The following FAIM2 variants were observed in gnomAD, a reference collection of about 807,000 sequenced individuals.
The protein encoded by FAIM2 is Fas apoptotic inhibitory molecule 2.
In FAIM2, 27 loss-of-function variants were observed where a neutral mutation model predicts 47.4. The ratio of observed to expected loss-of-function variants is 0.57; its 90% confidence interval spans 0.42 to 0.78. The LOEUF is 0.78. Among genes scored for constraint, FAIM2 ranks in the 30% least tolerant of loss-of-function variants. FAIM2 has a pLI of 0.00. For missense variants in FAIM2, 311 were observed against 389.4 expected, an observed-to-expected ratio of 0.80 and a Z score of 1.69; for synonymous variants, 156 against 159.3, an observed-to-expected ratio of 0.98 and a Z score of 0.16.
At chr12:49,883,304 G>A (rs536158333) in intron 11 of FAIM2, among the ~76,000 whole-genome samples, 1 of 152,122 alleles carries the variant, frequency 6.6e-6, no homozygotes, top group Non-Finnish European at 1.5e-5. Flanking sequence ...TGGAGGCGAC[G>A]GGGGCTGGGA....
intron 2 of FAIM2, among the ~76,000 whole-genome samples, 160 bp from the exon 3 acceptor site, chr12:49,898,250 C>A (rs1946954449): frequency 6.6e-6 from 1 of 152,284 alleles, no homozygotes; most frequent in South Asian, 2.1e-4. Flanking sequence ...CCCGGCTCCA[C>A]CCCAATCCCC....
intron 8 of FAIM2, 80 bp from the exon 9 acceptor site, chr12:49,889,648 C>T: frequency 3.4e-6 from 4 of 1,161,494 alleles, no homozygotes; most frequent in Non-Finnish European, 5.1e-6. Context: ...CCCCTCTCTT[C>T]TGCCAGGACC....
At chr12:49,884,286 A>G (rs1418419033) in intron 11 of FAIM2, among the ~76,000 whole-genome samples, 1 of 151,336 alleles carries the variant, frequency 6.6e-6, no homozygotes, top group Non-Finnish European at 1.5e-5. Context: ...AATTGTGAGG[A>G]GAGTAGGGAA....
intron 10 of FAIM2, among the ~76,000 whole-genome samples, chr12:49,888,178 C>T (rs1946874800): frequency 6.6e-6 from 1 of 152,188 alleles, no homozygotes; most frequent in Admixed American, 6.5e-5. Flanking sequence ...CTGTAACACT[C>T]CTCCCCATCC....
intron 11 of FAIM2, among the ~76,000 whole-genome samples, chr12:49,871,601 CA>C: frequency 6.6e-6 from 1 of 152,168 alleles, no homozygotes; most frequent in East Asian, 1.9e-4. Context: ...AAAAGTCCAC[CA>C]GTATCTCAAA....
At chr12:49,884,289 G>A (rs1012818830) in intron 11 of FAIM2, among the ~76,000 whole-genome samples, 1 of 151,876 alleles carries the variant, frequency 6.6e-6, no homozygotes, top group African/African-American at 2.4e-5. Context: ...TGTGAGGAGA[G>A]TAGGGAAGAA....
At chr12:49,894,813 A>G (rs1946924492) in intron 5 of FAIM2, among the ~76,000 whole-genome samples, 1 of 152,242 alleles carries the variant, frequency 6.6e-6, no homozygotes, top group Non-Finnish European at 1.5e-5. Context: ...TGAGGATAAC[A>G]GTAGTGTCTG....
rs756424544 is a variant in FAIM2 at position 49,889,467 on chromosome 12, G to T, written c.651+14C>A. The T allele has an allele frequency of 2.5e-6, 4 of 1,611,950 alleles. No homozygotes were observed. The highest frequency in any genetic ancestry group is 3.4e-6 in the Non-Finnish European group (4 of 1,178,098). The stretch of plus-strand genomic sequence containing the variant: ...TCAGGCCAGGGGTCCCTGCCTGCAG[G>T]CCCCAGAGCTGACCTTGGTCTGGAA... On this transcript the variant is annotated intron_variant, in intron 9 of 11. Coordinates refer to ENST00000320634, the MANE Select transcript of FAIM2 (RefSeq NM_012306.4).
intron 5 of FAIM2, among the ~76,000 whole-genome samples, chr12:49,896,377 G>A (rs1032679186): frequency 2.6e-5 from 4 of 152,168 alleles, no homozygotes; most frequent in African/African-American, 9.7e-5. Context: ...GGACAAGCAG[G>A]AGCCGAGTGG....
chr12:49,878,175 CATGTGTATATGT>C (rs1374056471), intron 11 of FAIM2, among the ~76,000 whole-genome samples: 1 of 54,876 alleles, frequency 1.8e-5, no homozygotes, highest in African/African-American at 1.1e-4. Context: ...TGTGTATGTG[CATGTGTATATGT>C]GTGTGCATAT....
In FAIM2 at chr12:49,874,950, C is replaced by T. The variant is rs1053932592; in HGVS notation, c.802-4297G>A. Among the ~76,000 whole-genome samples the T allele has an allele frequency of 1.3e-5, 2 of 152,098 alleles. No individual in the cohort carries two copies. On this transcript the variant is annotated intron_variant, in intron 11 of 11. Transcript: ENST00000320634. This position sits in a 1 kb window ranked among gnomAD's most constrained non-coding sequence, Gnocchi z 4.2. ...AAAGCAAGTTGTGAAAAATCTATAT[C>T]GTATGATCCCATAAAACTATACACG...
chr12:49,879,440 GTA>G (rs139067953), intron 11 of FAIM2, among the ~76,000 whole-genome samples: 39,055 of 151,102 alleles, frequency 0.26, 5,636 homozygotes, highest in East Asian at 0.41. Flanking sequence ...ATGTGCATGT[GTA>G]TATGTGTGTG....
chr12:49,899,809 T>C (rs1946968907), intron 2 of FAIM2, among the ~76,000 whole-genome samples: 1 of 152,234 alleles, frequency 6.6e-6, no homozygotes, highest in South Asian at 2.1e-4. Context: ...TGCAAATCAA[T>C]GCATCCTCCG....
chr12:49,880,466 G>GTC (rs1184817285), intron 11 of FAIM2, among the ~76,000 whole-genome samples: 5 of 150,056 alleles, frequency 3.3e-5, no homozygotes, highest in Non-Finnish European at 5.9e-5. Context: ...GTATGTGTGT[G>GTC]TGCATGAGTG....
rs2603099 is a variant in FAIM2, at chr12:49,897,768, C to A, written c.316-185G>T. ...AGATGCTGCAGAGCCAAGCGCACCC[C>A]CCCCCAGCATTGGGAGAAAAGAGGG... is the stretch of plus-strand genomic sequence containing the variant. On this transcript the variant is annotated intron_variant, in intron 3 of 11. Transcript: ENST00000320634. Among the ~76,000 whole-genome samples the A allele has an allele frequency of 0.19, 29,171 of 151,566 alleles. 3,171 individuals carry two copies. The highest frequency in any genetic ancestry group is 0.28 in the Middle Eastern group (83 of 292).
chr12:49,885,312 G>A (rs1317511975), intron 11 of FAIM2, among the ~76,000 whole-genome samples: 1 of 152,108 alleles, frequency 6.6e-6, no homozygotes, highest in African/African-American at 2.4e-5. Context: ...GCCCCCCATG[G>A]GTGCTCACTG....
At position 49,898,109 on chromosome 12, in the gene FAIM2, A is replaced by C. The variant is rs1436177018; in HGVS notation, c.212-19T>G. 5 of 1,586,650 alleles carry C rather than the reference A, an allele frequency of 3.2e-6. No homozygotes were observed. Among genetic ancestry groups the C allele is most frequent in the Non-Finnish European group, 4.3e-6 (5 of 1,155,238 alleles). ...CTGCTGCCTGTGTGGCACGTGGAGGAGGAGGACATGAGGGTTCCCCCTACA... is the reference window on the plus strand; with the variant it reads ...CTGCTGCCTGTGTGGCACGTGGAGGCGGAGGACATGAGGGTTCCCCCTACA... On this transcript the variant is annotated intron_variant, in intron 2 of 11. Coordinates refer to ENST00000320634, the MANE Select transcript of FAIM2 (RefSeq NM_012306.4).
At chr12:49,903,717 G>A in intron 1 of FAIM2, 61 bp downstream of exon 1, 13 of 1,547,982 alleles carry the variant, frequency 8.4e-6, no homozygotes, top group Non-Finnish European at 1.1e-5. Context: ...GCTTGCTGAG[G>A]ATGACAGGGA....
chr12:49,895,336 C>A (rs1946928764), intron 5 of FAIM2, among the ~76,000 whole-genome samples: 4 of 152,072 alleles, frequency 2.6e-5, no homozygotes. Flanking sequence ...CCCCATCCCC[C>A]CCAATGGAGT....
Sources: allele counts gnomAD v4.1 joint callset (sites outside exome capture counted in the v4.1 genomes callset), GRCh38; gene constraint gnomAD v4.1.1; non-coding constraint Gnocchi (gnomAD v3.1); transcripts MANE v1.5; gene names NCBI Gene and HGNC (gene_info 2026-07-23, HGNC 2026-07-21).